WIPF3: variants seen among roughly 807,000 people sequenced by gnomAD.
The protein encoded by WIPF3 is WAS/WASL-interacting protein family member 3.
In WIPF3, 33 loss-of-function variants were observed where a neutral mutation model predicts 38.9. That is an observed-to-expected ratio of 0.85 (90% CI 0.64 to 1.14). WIPF3 has a LOEUF of 1.14. WIPF3 is among the 50% of genes most tolerant of loss of function. WIPF3 has a pLI of 0.00. For missense variants in WIPF3, 711 were observed against 652.5 expected, an observed-to-expected ratio of 1.09 and a Z score of -0.98; for synonymous variants, 324 against 269.3, an observed-to-expected ratio of 1.20 and a Z score of -1.99.
chr7:29,905,282 T>C (rs1786370473), intron 8 of WIPF3: 1 of 152,260 alleles, frequency 6.6e-6, no homozygotes, highest in South Asian at 2.1e-4. Flanking sequence ...GTGTGTATGA[T>C]TGTAGTTAAG....
At chr7:29,834,888 A>G (rs1432422772) in intron 2 of WIPF3, 74 bp downstream of exon 2, 5 of 1,493,618 alleles carry the variant, frequency 3.3e-6, no homozygotes, top group Non-Finnish European at 4.5e-6. Context: ...AAGGTTTTAA[A>G]TGTTCAGAAG....
intron 2 of WIPF3, among the ~76,000 whole-genome samples, chr7:29,837,602 G>A (rs1784826767): frequency 6.6e-6 from 1 of 151,778 alleles, no homozygotes; most frequent in African/African-American, 2.4e-5. Context: ...CTGAAGAACA[G>A]GTCAATTTAG....
intron 2 of WIPF3, among the ~76,000 whole-genome samples, chr7:29,856,537 G>A (rs1785189896): frequency 6.6e-6 from 1 of 152,168 alleles, no homozygotes; most frequent in South Asian, 2.1e-4. Context: ...TCTAAAGCAG[G>A]AGGCCAGCTT....
intron 2 of WIPF3, among the ~76,000 whole-genome samples, chr7:29,850,829 G>A (rs1785082495): frequency 6.6e-6 from 1 of 151,566 alleles, no homozygotes; most frequent in South Asian, 2.1e-4. Context: ...AAAGGCCACA[G>A]GCCTGTGTGT....
intron 1 of WIPF3, among the ~76,000 whole-genome samples, chr7:29,819,883 A>G (rs1784510440): frequency 6.6e-6 from 1 of 152,036 alleles, no homozygotes; most frequent in Non-Finnish European, 1.5e-5. Context: ...TTCTGTTTCT[A>G]CATTTTAGAA....
chr7:29,880,501 T>C (rs1785692565), intron 4 of WIPF3, among the ~76,000 whole-genome samples: 1 of 152,216 alleles, frequency 6.6e-6, no homozygotes, highest in Non-Finnish European at 1.5e-5. Context: ...TATTCTTCAG[T>C]GTCCTCTTCT....
chr7:29,891,546 G>A (rs1201070405), intron 7 of WIPF3, among the ~76,000 whole-genome samples: 1 of 152,180 alleles, frequency 6.6e-6, no homozygotes, highest in Non-Finnish European at 1.5e-5. Flanking sequence ...GGAGGATGGA[G>A]GGAAATCCCA....
At chr7:29,852,275 G>A (rs964529167) in intron 2 of WIPF3, among the ~76,000 whole-genome samples, 3 of 152,208 alleles carry the variant, frequency 2.0e-5, no homozygotes, top group Admixed American at 1.3e-4. Context: ...CAAAGCATAG[G>A]CATGAGCCAC....
At chr7:29,825,618 G>T in intron 1 of WIPF3, among the ~76,000 whole-genome samples, 1 of 152,158 alleles carries the variant, frequency 6.6e-6, no homozygotes, top group East Asian at 1.9e-4. Flanking sequence ...TCATTTAAAT[G>T]CCTGAGTCAG....
intron 1 of WIPF3, among the ~76,000 whole-genome samples, chr7:29,819,363 C>G (rs1284129971): frequency 6.6e-6 from 1 of 151,762 alleles, no homozygotes; most frequent in African/African-American, 2.4e-5. Context: ...CATTATTTTC[C>G]CTGTCTCTTG....
At chr7:29,881,642 G>A (rs921953968) in intron 4 of WIPF3, among the ~76,000 whole-genome samples, 5 of 152,144 alleles carry the variant, frequency 3.3e-5, no homozygotes, top group African/African-American at 9.7e-5. Context: ...TGCAACCTTG[G>A]CCTAGAGCTC....
At chr7:29,866,395 G>A (rs1311285748) in intron 2 of WIPF3, among the ~76,000 whole-genome samples, 1 of 152,222 alleles carries the variant, frequency 6.6e-6, no homozygotes, top group Non-Finnish European at 1.5e-5. Context: ...AGACAAGCAA[G>A]GAGAGAAGAG....
At position 29,884,247 on chromosome 7, in the gene WIPF3, G is replaced by C. The variant is rs1228766086; in HGVS notation, c.753G>C (p.Gln251His). Reference sequence around the variant, plus strand: ...TTAGTGACAAGGCAGTGAAGCCTCAGCTGGCTCCCTTGCACCTCCCGCCCA... The same window carrying C: ...TTAGTGACAAGGCAGTGAAGCCTCACCTGGCTCCCTTGCACCTCCCGCCCA... ...SVLSDKAVKP[Q>H]LAPLHLPPIP... The change falls in exon 5 of 9, where the codon CAG becomes CAC. Residue 251 changes from glutamine to histidine, a missense_variant. Gln to His is a conservative substitution (Grantham distance 24). Transcript: ENST00000242140. 1 of 1,525,306 alleles carries C rather than the reference G, an allele frequency of 6.6e-7. No individual in the cohort carries two copies. The highest frequency in any genetic ancestry group is 1.5e-5 in the African/African-American group (1 of 66,396). 94.5% of individuals were successfully genotyped at this position (1,525,306 alleles called of 1,614,324 possible).
At chr7:29,913,401 C>G (rs1296926518) in intron 8 of WIPF3, among the ~76,000 whole-genome samples, 1 of 150,828 alleles carries the variant, frequency 6.6e-6, no homozygotes, top group Non-Finnish European at 1.5e-5. Flanking sequence ...TATATTGTAC[C>G]ACAATAAAAA....
chr7:29,865,623 GAC>G (rs1175040655), intron 2 of WIPF3, among the ~76,000 whole-genome samples: 1 of 152,184 alleles, frequency 6.6e-6, no homozygotes, highest in Non-Finnish European at 1.5e-5. Context: ...GCCGAGGGAT[GAC>G]ACAGTTATAG....
chr7:29,892,045 C>T (rs147133003), intron 7 of WIPF3, among the ~76,000 whole-genome samples: 1 of 152,200 alleles, frequency 6.6e-6, no homozygotes, highest in African/African-American at 2.4e-5. Flanking sequence ...ATATATAACA[C>T]CCCTTTCCCC....
Position 29,813,681 on chromosome 7 carries a change from T to G in WIPF3, c.-58+7003T>G, listed in dbSNP as rs78730565. Among the ~76,000 whole-genome samples the G allele has an allele frequency of 4.2e-3, 634 of 152,348 alleles. 6 individuals are homozygous for G. The highest frequency in any genetic ancestry group is 0.022 in the Admixed American group (340 of 15,312). Reference sequence around the variant, plus strand: ...AAAATCAGTTTTATTGAGCTATAATTCACATACCATAAGATTCAGCTTTTT... The same window carrying G: ...AAAATCAGTTTTATTGAGCTATAATGCACATACCATAAGATTCAGCTTTTT... On this transcript the variant is annotated intron_variant, in intron 1 of 8. Coordinates refer to ENST00000242140, the MANE Select transcript of WIPF3 (RefSeq NM_001080529.3).
intron 2 of WIPF3, among the ~76,000 whole-genome samples, chr7:29,843,697 G>T (rs562615083): frequency 1.9e-4 from 29 of 152,190 alleles, no homozygotes; most frequent in Non-Finnish European, 4.3e-4. Context: ...TCTGTACGCT[G>T]CTGTGCTTGC....
chr7:29,889,491 G>A, intron 7 of WIPF3, 84 bp downstream of exon 7: 1 of 990,774 alleles, frequency 1.0e-6, no homozygotes, highest in Non-Finnish European at 1.6e-6. Flanking sequence ...GTCACAGACT[G>A]TCTAAAGGAT....
Sources: gnomAD v4.1 joint callset for allele counts (sites outside exome capture counted in the v4.1 genomes callset) on GRCh38, gnomAD v4.1.1 for gene constraint, MANE v1.5 for transcripts, NCBI Gene and HGNC (gene_info 2026-07-23, HGNC 2026-07-21) for gene names.